The following CTNNA2 variants were observed in gnomAD, a reference collection of about 807,000 sequenced individuals.
CTNNA2 encodes catenin alpha-2.
In CTNNA2, 42 loss-of-function variants were observed where a neutral mutation model predicts 101.0. That is an observed-to-expected ratio of 0.42 (90% CI 0.32 to 0.54). The LOEUF (loss-of-function observed/expected upper bound fraction) is 0.54, where lower values mean the gene tolerates loss of function less well. Among genes scored for constraint, CTNNA2 ranks in the 20% least tolerant of loss-of-function variants. CTNNA2 has a pLI of 0.14. For synonymous variants in CTNNA2, 450 were observed against 456.4 expected (o/e 0.99, Z 0.18); for missense variants, 871 against 1,223.1 (o/e 0.71, Z 4.29).
At chr2:79,650,957 G>T (rs1681202460) in intron 1 of CTNNA2, among the ~76,000 whole-genome samples, 1 of 151,948 alleles carries the variant, frequency 6.6e-6, no homozygotes. Flanking sequence ...CCCTACACAG[G>T]ACATGAACTC....
chr2:79,480,399 T>C (rs1671096465), intron 4 of CTNNA2, among the ~76,000 whole-genome samples: 1 of 152,204 alleles, frequency 6.6e-6, no homozygotes, highest in African/African-American at 2.4e-5. Flanking sequence ...TAGAGAATTA[T>C]TGTCCTAGGC....
intron 3 of CTNNA2, among the ~76,000 whole-genome samples, chr2:79,855,405 A>G (rs2103933787): frequency 6.6e-6 from 1 of 152,312 alleles, no homozygotes; most frequent in East Asian, 1.9e-4. Context: ...AAATGCCAGT[A>G]CACTTCTGCC....
At chr2:79,909,260 C>G (rs1011849772) in intron 6 of CTNNA2, among the ~76,000 whole-genome samples, 1 of 152,186 alleles carries the variant, frequency 6.6e-6, no homozygotes, top group Non-Finnish European at 1.5e-5. Context: ...TTCCCCAAAG[C>G]ATTACACTGA....
chr2:80,120,423 C>T (rs191053180), intron 7 of CTNNA2, among the ~76,000 whole-genome samples: 24 of 152,184 alleles, frequency 1.6e-4, no homozygotes, highest in Admixed American at 5.9e-4. Flanking sequence ...AAATAGAAAC[C>T]GAAGGAAACC....
intron 3 of CTNNA2, among the ~76,000 whole-genome samples, chr2:79,337,759 G>C (rs756672214): frequency 1.3e-5 from 2 of 151,818 alleles, no homozygotes; most frequent in Non-Finnish European, 2.9e-5. Flanking sequence ...AAACAGAAAA[G>C]GCATTTACCT....
At chr2:79,932,709 A>G (rs1251794826) in intron 7 of CTNNA2, among the ~76,000 whole-genome samples, 1 of 152,204 alleles carries the variant, frequency 6.6e-6, no homozygotes, top group African/African-American at 2.4e-5. Context: ...AAGACTTTGT[A>G]CATTTTAACA....
intron 7 of CTNNA2, among the ~76,000 whole-genome samples, chr2:80,197,763 T>A (rs1234227373): frequency 6.6e-6 from 1 of 152,220 alleles, no homozygotes; most frequent in Non-Finnish European, 1.5e-5. Flanking sequence ...TGTGGAATTA[T>A]CTTCATGTAG....
intron 3 of CTNNA2, among the ~76,000 whole-genome samples, chr2:79,752,285 G>T (rs1464703908): frequency 6.6e-6 from 1 of 152,140 alleles, no homozygotes; most frequent in East Asian, 1.9e-4. Flanking sequence ...AGCGAACAAA[G>T]AATCCTAAAA....
chr2:79,214,959 G>A (rs573818945), intron 2 of CTNNA2, among the ~76,000 whole-genome samples: 6 of 152,038 alleles, frequency 3.9e-5, no homozygotes, highest in African/African-American at 7.2e-5. Flanking sequence ...AATGTGGAGT[G>A]GGTAGCCTCC....
At chr2:80,532,816 T>TC (rs2149598462) in intron 9 of CTNNA2, among the ~76,000 whole-genome samples, 1 of 152,190 alleles carries the variant, frequency 6.6e-6, no homozygotes, top group African/African-American at 2.4e-5. Flanking sequence ...GAGAAGAAAA[T>TC]ATGACCTTAG....
At chr2:80,553,803 A>T (rs1558580187) in intron 11 of CTNNA2, among the ~76,000 whole-genome samples, 1 of 152,268 alleles carries the variant, frequency 6.6e-6, no homozygotes, top group East Asian at 1.9e-4. Context: ...AAAGTTTTAC[A>T]TTTAGAATTC....
At chr2:79,649,255 GTA>G (rs951949097) in intron 1 of CTNNA2, 2 of 154,578 alleles carry the variant, frequency 1.3e-5, no homozygotes, top group African/African-American at 4.8e-5. Context: ...ATCTATCAGC[GTA>G]TGTCTACAAG....
chr2:80,254,004 A>T (rs1477019853), intron 7 of CTNNA2, among the ~76,000 whole-genome samples: 2 of 152,078 alleles, frequency 1.3e-5, no homozygotes, highest in African/African-American at 4.8e-5. Context: ...GCATTCCATT[A>T]TTTTTTTAAG....
At chr2:79,321,796 C>T (rs1004249460) in intron 3 of CTNNA2, among the ~76,000 whole-genome samples, 2 of 80,496 alleles carry the variant, frequency 2.5e-5, no homozygotes, top group Non-Finnish European at 5.2e-5. Context: ...TGTGTTTGCA[C>T]ACACACACAC....
chr2:79,209,140 AC>A (rs1383091827), intron 2 of CTNNA2, among the ~76,000 whole-genome samples: 1 of 152,186 alleles, frequency 6.6e-6, no homozygotes, highest in African/African-American at 2.4e-5. Context: ...ACATAGCTAA[AC>A]CCCATCTCTA....
At chr2:80,316,130 T>G (rs563189218) in intron 7 of CTNNA2, among the ~76,000 whole-genome samples, 30 of 152,316 alleles carry the variant, frequency 2.0e-4, no homozygotes, top group Admixed American at 1.6e-3. Flanking sequence ...TGTTTCCTTC[T>G]GCACAACTGA....
chr2:80,525,774 T>C (rs1190033826), intron 9 of CTNNA2, among the ~76,000 whole-genome samples: 3 of 152,140 alleles, frequency 2.0e-5, no homozygotes, highest in Non-Finnish European at 4.4e-5. Context: ...AGCTGCCTCA[T>C]TGGTGCTCCA....
chr2:80,506,386 A>T (rs938634818), intron 9 of CTNNA2, among the ~76,000 whole-genome samples: 4 of 152,118 alleles, frequency 2.6e-5, no homozygotes, highest in African/African-American at 9.7e-5. Context: ...AAATAATGTT[A>T]GTGGGGGACT....
At chr2:80,480,496 G>C (rs1258585929) in intron 9 of CTNNA2, among the ~76,000 whole-genome samples, 2 of 152,070 alleles carry the variant, frequency 1.3e-5, no homozygotes, top group East Asian at 3.9e-4. Context: ...GGACTGGTAA[G>C]TTTGCAGACT....
Sources: gnomAD v4.1 joint callset for allele counts (sites outside exome capture counted in the v4.1 genomes callset) on GRCh38, gnomAD v4.1.1 for gene constraint, MANE v1.5 for transcripts, NCBI Gene and HGNC (gene_info 2026-07-23, HGNC 2026-07-21) for gene names.